The following RIT2 variants were observed in gnomAD, a reference collection of about 807,000 sequenced individuals.
RIT2 encodes Ras like without CAAX 2, also known as GTP-binding protein Rit2.
In RIT2, 24 loss-of-function variants were observed where a neutral mutation model predicts 23.7. That is an observed-to-expected ratio of 1.01 (90% CI 0.73 to 1.43). RIT2 has a LOEUF of 1.43. Among genes scored for constraint, RIT2 ranks in the 40% most tolerant of loss-of-function variants. The pLI is 0.00. For missense variants in RIT2, 236 were observed against 266.9 expected, an observed-to-expected ratio of 0.88 and a Z score of 0.81; for synonymous variants, 107 against 91.1, an observed-to-expected ratio of 1.17 and a Z score of -0.99.
At chr18:42,926,864 A>G (rs2144138635) in intron 3 of RIT2, among the ~76,000 whole-genome samples, 1 of 152,070 alleles carries the variant, frequency 6.6e-6, no homozygotes, top group Non-Finnish European at 1.5e-5. Context: ...ATATTCCAGA[A>G]GCAGAGAAAG....
intron 4 of RIT2, among the ~76,000 whole-genome samples, chr18:42,905,484 GT>G (rs1218961957): frequency 1.3e-5 from 2 of 152,164 alleles, no homozygotes; most frequent in East Asian, 3.9e-4. Flanking sequence ...TTGTTTGTTT[GT>G]TTTTTGAGAC....
intron 4 of RIT2, among the ~76,000 whole-genome samples, chr18:42,757,070 T>G (rs549880858): frequency 6.6e-6 from 1 of 152,258 alleles, no homozygotes; most frequent in Admixed American, 6.5e-5. Context: ...AATAAACACC[T>G]TTCCTATCTC....
At chr18:42,978,176 C>T (rs1288008817) in intron 2 of RIT2, among the ~76,000 whole-genome samples, 2 of 151,976 alleles carry the variant, frequency 1.3e-5, no homozygotes, top group African/African-American at 4.8e-5. Flanking sequence ...GTGTGATTAT[C>T]TGAGCTCTAG....
At position 43,009,212 on chromosome 18, in the gene RIT2, T is replaced by A. The variant is rs550684173; in HGVS notation, c.160+24599A>T. ...CCCATGTCTACACTAGAAAAAAAAT[T>A]AGTTAAATATACACGTCAGTCACAA... On this transcript the variant is annotated intron_variant, in intron 2 of 4. Transcript: ENST00000326695. Among the ~76,000 whole-genome samples the A allele has an allele frequency of 3.3e-5, 5 of 151,790 alleles. No homozygotes were observed. In the East Asian group the frequency reaches 9.7e-4, roughly 30 times the overall value.
At chr18:42,920,828 C>T in intron 4 of RIT2, 1 of 1,037,256 alleles carries the variant, frequency 9.6e-7, no homozygotes, top group South Asian at 1.3e-5. Flanking sequence ...AACAATAGCA[C>T]CAGTGTAATT....
chr18:42,906,827 C>T (rs1468836133), intron 4 of RIT2, among the ~76,000 whole-genome samples: 1 of 152,112 alleles, frequency 6.6e-6, no homozygotes, highest in African/African-American at 2.4e-5. Flanking sequence ...GAAAACAATA[C>T]AGCTTTTCCT....
At chr18:42,998,815 A>G (rs1598743430) in intron 2 of RIT2, among the ~76,000 whole-genome samples, 1 of 152,076 alleles carries the variant, frequency 6.6e-6, no homozygotes, top group African/African-American at 2.4e-5. Context: ...ACGCCTCTTC[A>G]TTCTTTTGCA....
intron 4 of RIT2, among the ~76,000 whole-genome samples, chr18:42,791,179 TATAAG>T (rs1914034479): frequency 6.6e-6 from 1 of 152,230 alleles, no homozygotes; most frequent in Non-Finnish European, 1.5e-5. Flanking sequence ...AATATAGTCA[TATAAG>T]ATAATCTAAT....
chr18:42,808,640 G>A (rs1332595854), intron 4 of RIT2, among the ~76,000 whole-genome samples: 1 of 151,858 alleles, frequency 6.6e-6, no homozygotes, highest in Admixed American at 6.6e-5. Context: ...TTAAAAGTTT[G>A]ATTAAACTGA....
intron 4 of RIT2, among the ~76,000 whole-genome samples, chr18:42,771,079 C>T (rs1195226947): frequency 2.0e-5 from 3 of 152,178 alleles, no homozygotes; most frequent in Non-Finnish European, 4.4e-5. Flanking sequence ...CTATCTCCCA[C>T]TTTGCCTCTT....
chr18:42,793,091 G>A (rs1265851371), intron 4 of RIT2, among the ~76,000 whole-genome samples: 1 of 151,982 alleles, frequency 6.6e-6, no homozygotes, highest in Non-Finnish European at 1.5e-5. Flanking sequence ...CAATAATAAT[G>A]TATTTATTAG....
chr18:42,892,609 T>C (rs1402573795), intron 4 of RIT2, among the ~76,000 whole-genome samples: 2 of 152,184 alleles, frequency 1.3e-5, no homozygotes, highest in African/African-American at 2.4e-5. Context: ...TGCTTGAAAA[T>C]GTAGTTGAAG....
At chr18:42,984,451 T>C (rs1910664315) in intron 2 of RIT2, among the ~76,000 whole-genome samples, 1 of 152,096 alleles carries the variant, frequency 6.6e-6, no homozygotes, top group South Asian at 2.1e-4. Flanking sequence ...GGGATCCTTG[T>C]GGTCAGGGAA....
In RIT2 at chr18:43,057,275, T is replaced by A. The variant is rs529045094; in HGVS notation, c.104-23408A>T. On this transcript the variant is annotated intron_variant, in intron 1 of 4. Transcript: ENST00000326695. ...TTTTCTGCCCTCTTTGATACCACAA[T>A]CTTACTTATTGTTTGAGTTAAATCA... is the stretch of plus-strand genomic sequence containing the variant. 2.6e-5 allele frequency among the ~76,000 whole-genome samples: 4 copies of A among 152,242 alleles called. No individual in the cohort carries two copies. In the East Asian group the frequency reaches 7.7e-4, roughly 29 times the overall value.
At chr18:43,107,852 G>A (rs1028349071) in intron 1 of RIT2, among the ~76,000 whole-genome samples, 1 of 152,024 alleles carries the variant, frequency 6.6e-6, no homozygotes, top group Non-Finnish European at 1.5e-5. Flanking sequence ...ACGATTTTGT[G>A]TGATGTTTAA....
intron 4 of RIT2, among the ~76,000 whole-genome samples, chr18:42,910,210 C>A (rs1908730807): frequency 6.6e-6 from 1 of 151,934 alleles, no homozygotes; most frequent in South Asian, 2.1e-4. Flanking sequence ...AAAGCGAAAA[C>A]AGAAAACAAA....
intron 2 of RIT2, among the ~76,000 whole-genome samples, chr18:43,015,668 G>C (rs1420608769): frequency 6.6e-6 from 1 of 151,628 alleles, no homozygotes; most frequent in Admixed American, 6.6e-5. Context: ...AAAATACCTA[G>C]ATTTATTGAT....
At chr18:42,788,768 A>C (rs1353075094) in intron 4 of RIT2, among the ~76,000 whole-genome samples, 1 of 152,162 alleles carries the variant, frequency 6.6e-6, no homozygotes, top group Non-Finnish European at 1.5e-5. Flanking sequence ...ACATCTATCA[A>C]ATACCCAAGT....
At chr18:43,081,313 A>G (rs1014958326) in intron 1 of RIT2, among the ~76,000 whole-genome samples, 3 of 152,190 alleles carry the variant, frequency 2.0e-5, no homozygotes, top group African/African-American at 7.2e-5. Flanking sequence ...AGGAGCTAAC[A>G]TCATTTATTA....
Sources: allele counts gnomAD v4.1 joint callset (sites outside exome capture counted in the v4.1 genomes callset), GRCh38; gene constraint gnomAD v4.1.1; transcripts MANE v1.5; gene names NCBI Gene and HGNC (gene_info 2026-07-23, HGNC 2026-07-21).